Variants in RAB11FIP5 observed in about 807,000 individuals in gnomAD.
RAB11FIP5 encodes the protein rab11 family-interacting protein 5.
In RAB11FIP5, 48 loss-of-function variants were observed where a neutral mutation model predicts 85.1. The observed-to-expected ratio is 0.56, with a 90% CI of 0.45 to 0.72. The LOEUF (loss-of-function observed/expected upper bound fraction) is 0.72, where lower values mean the gene tolerates loss of function less well. Among genes scored for constraint, RAB11FIP5 ranks in the 30% least tolerant of loss-of-function variants. The pLI, the probability that RAB11FIP5 is intolerant of heterozygous loss-of-function variation, is 0.00. For missense variants in RAB11FIP5, 1,491 were observed against 1,687.0 expected, an observed-to-expected ratio of 0.88 and a Z score of 2.04; for synonymous variants, 729 against 727.3, an observed-to-expected ratio of 1.00 and a Z score of -0.04.
At chr2:73,087,950 T>C (rs1438790597) in intron 3 of RAB11FIP5, 100 bp downstream of exon 3, 22 of 1,195,630 alleles carry the variant, frequency 1.8e-5, no homozygotes, top group Non-Finnish European at 2.4e-5. Context: ...GCAGCCTGCC[T>C]GAGGTCCATA....
Position 73,075,846 on chromosome 2 carries a change from G to T in RAB11FIP5, c.3772-122C>A. ...TTTCACCACCACAGGGCCCCAGGCTGCCTGTCTCCAAAGTCAGAGCCTAAC... is the reference window on the plus strand; with the variant it reads ...TTTCACCACCACAGGGCCCCAGGCTTCCTGTCTCCAAAGTCAGAGCCTAAC... On this transcript the variant is annotated intron_variant, in intron 5 of 5. Coordinates refer to ENST00000486777, the MANE Select transcript of RAB11FIP5 (RefSeq NM_001371272.1). This position sits in a 1 kb window ranked among gnomAD's most constrained non-coding sequence, Gnocchi z 4.6. The T allele has an allele frequency of 6.9e-7, 1 of 1,448,990 alleles. No homozygotes were observed. The highest frequency in any genetic ancestry group is 2.0e-5 in the Admixed American group (1 of 49,622). The allele number at this position is 1,448,990 out of a possible 1,614,324, so 89.8% of individuals were successfully genotyped here.
At chr2:73,091,472 C>T (rs554979570) in intron 1 of RAB11FIP5, among the ~76,000 whole-genome samples, 8 of 151,106 alleles carry the variant, frequency 5.3e-5, no homozygotes, top group East Asian at 1.9e-4. Context: ...CACACACACA[C>T]GCACACAGAG....
chr2:73,086,703 G>C lies in RAB11FIP5; in HGVS notation c.1568+1347C>G, dbSNP rs1684095012. 6.6e-6 allele frequency among the ~76,000 whole-genome samples: 1 copy of C among 152,142 alleles called. No individual in the cohort carries two copies. Among genetic ancestry groups the C allele is most frequent in the Non-Finnish European group, 1.5e-5 (1 of 68,020 alleles). On this transcript the variant is annotated intron_variant, in intron 3 of 5. Coordinates refer to ENST00000486777, the MANE Select transcript of RAB11FIP5 (RefSeq NM_001371272.1). This position sits in a 1 kb window ranked among gnomAD's most constrained non-coding sequence, Gnocchi z 4.4. ...TCACAGGGACACCAGGCTCAGCCTG[G>C]CATCTGGGAAAGGCCTGTCCCCTTC...
Position 73,112,369 on chromosome 2 carries a change from C to A in RAB11FIP5, c.409G>T (p.Ala137Ser). 1.3e-6 allele frequency: 2 copies of A among 1,597,764 alleles called. No individual in the cohort carries two copies. Among genetic ancestry groups the A allele is most frequent in the South Asian group, 1.1e-5 (1 of 90,316 alleles). Reference sequence around the variant, plus strand: ...CACTGCGTGTGCTGGGCGCGGCCTGCGCCGAAGACCTCGTCCAGCGCCACC... The same window carrying A: ...CACTGCGTGTGCTGGGCGCGGCCTGAGCCGAAGACCTCGTCCAGCGCCACC... The part of the protein sequence containing the change: ...ATVALDEVFG[A>S]GRAQHTQWYK... The change falls in exon 1 of 6, where the codon GCA becomes TCA. Residue 137 changes from alanine (A) to serine (S), a missense_variant. Around this residue, in one of 3 missense-constraint regions of RAB11FIP5, gnomAD observed 1,211 missense variants for 1,338.0 expected, o/e 0.91. Transcript: ENST00000486777.
intron 1 of RAB11FIP5, among the ~76,000 whole-genome samples, chr2:73,095,843 T>C (rs941130475): frequency 1.1e-3 from 170 of 152,316 alleles, no homozygotes; most frequent in African/African-American, 3.7e-3. Context: ...TCACAGACCC[T>C]GAAGACCAGA....
rs1174040999 is a variant in RAB11FIP5, at chr2:73,073,660, G to A, written c.*1861C>T. ...GGCTGGGAGTGAATAAAGCCCAGAG[G>A]AATCCCCAGTAGGGGGGGTGACTCC... On this transcript the variant is annotated 3_prime_UTR_variant, in exon 6 of 6. Transcript: ENST00000486777. 6.6e-6 allele frequency: 1 copy of A among 152,218 alleles called. No homozygotes were observed. Among genetic ancestry groups the A allele is most frequent in the Non-Finnish European group, 1.5e-5 (1 of 68,042 alleles). 9.4% of individuals were successfully genotyped at this position (152,218 alleles called of 1,614,324 possible).
chr2:73,096,400 A>T (rs1484606584), intron 1 of RAB11FIP5, among the ~76,000 whole-genome samples: 1 of 152,206 alleles, frequency 6.6e-6, no homozygotes, highest in African/African-American at 2.4e-5. Context: ...AACTCCAGTC[A>T]GAGACAGACA....
chr2:73,109,099 G>T (rs1684592401), intron 1 of RAB11FIP5, among the ~76,000 whole-genome samples: 2 of 152,174 alleles, frequency 1.3e-5, no homozygotes, highest in African/African-American at 4.8e-5. Context: ...AAATCGCAGA[G>T]AAGCATCCAG....
intron 1 of RAB11FIP5, among the ~76,000 whole-genome samples, chr2:73,099,025 GC>G (rs1261941117): frequency 7.5e-5 from 11 of 146,094 alleles, no homozygotes; most frequent in African/African-American, 2.2e-4. Context: ...TTTAGTAAAT[GC>G]TTTTTTGTTT....
At position 73,088,541 on chromosome 2, in the gene RAB11FIP5, C is replaced by G; in HGVS notation, c.1077G>C (p.Ser359=). The change falls in exon 3 of 6, where the codon TCG becomes TCC. Residue 359 remains serine (S), a synonymous_variant. Transcript: ENST00000486777. ...QGPVRHRSSI[S]GSLPSSGSLQ... ...AGGAGCCAGAGGATGGAAGCGAGCC[C>G]GAGATGGAGCTGCGGTGCCGCACAG... 1 of 1,613,912 alleles carries G rather than the reference C, an allele frequency of 6.2e-7. No individual in the cohort carries two copies. The highest frequency in any genetic ancestry group is 1.1e-5 in the South Asian group (1 of 91,084).
rs761546586 is a variant in RAB11FIP5, at chr2:73,088,278, A to G, written c.1340T>C (p.Val447Ala). The G allele has an allele frequency of 6.2e-6, 10 of 1,613,718 alleles. No homozygotes were observed. The highest frequency in any genetic ancestry group is 1.7e-5 in the Admixed American group (1 of 60,002). ...ATPIVASSEAVAEKEGARKEE... is the reference protein window; with the variant it reads ...ATPIVASSEAAAEKEGARKEE... ...CTTCCGGGCTCCCTCCTTCTCTGCC[A>G]CAGCCTCAGAGGAGGCCACTATGGG... Residue 447 changes from valine (V) to alanine (A), a missense_variant, in exon 3 of 6, where the codon GTG (valine) becomes GCG (alanine). By Grantham distance (64) the Val-to-Ala change is moderately conservative. Coordinates refer to ENST00000486777, the MANE Select transcript of RAB11FIP5 (RefSeq NM_001371272.1).
Position 73,088,878 on chromosome 2 carries a change from C to A in RAB11FIP5, c.868+1G>T. On this transcript the variant is annotated splice_donor_variant, in intron 2 of 5. Coordinates refer to ENST00000486777, the MANE Select transcript of RAB11FIP5 (RefSeq NM_001371272.1). LOFTEE classifies it high-confidence loss of function. ...AGGGCGGCGGCCCTGTGCTTGCTCA[C>A]CCCCTTCAGTGGACAGCCAGCTGCT... 2 of 1,568,572 alleles carry A rather than the reference C, an allele frequency of 1.3e-6. No individual in the cohort carries two copies. The highest frequency in any genetic ancestry group is 8.6e-7 in the Non-Finnish European group (1 of 1,157,638).
chr2:73,084,969 G>A (rs1483991792), intron 3 of RAB11FIP5, among the ~76,000 whole-genome samples: 1 of 152,212 alleles, frequency 6.6e-6, no homozygotes, highest in Non-Finnish European at 1.5e-5. Context: ...CATCACCTGG[G>A]CACAATGAGG....
At chr2:73,083,180 G>A (rs1471585030) in intron 3 of RAB11FIP5, among the ~76,000 whole-genome samples, 1 of 152,234 alleles carries the variant, frequency 6.6e-6, no homozygotes, top group African/African-American at 2.4e-5. Context: ...CTTGGGGTAG[G>A]AAGGGCACCT....
In RAB11FIP5 at chr2:73,078,884, G is replaced by C. The variant is rs1173982776; in HGVS notation, c.3581+767C>G. Reference sequence around the variant, plus strand: ...CACATCACCCCTGACCAGCCACCTGGTGAGGTCACAGCTTCATAATTCTTC... The same window carrying C: ...CACATCACCCCTGACCAGCCACCTGCTGAGGTCACAGCTTCATAATTCTTC... On this transcript the variant is annotated intron_variant, in intron 4 of 5. Coordinates refer to ENST00000486777, the MANE Select transcript of RAB11FIP5 (RefSeq NM_001371272.1). This position sits in a 1 kb window ranked among gnomAD's most constrained non-coding sequence, Gnocchi z 4.4. 1.3e-5 allele frequency among the ~76,000 whole-genome samples: 2 copies of C among 152,114 alleles called. No individual in the cohort carries two copies. Among genetic ancestry groups the C allele is most frequent in the Non-Finnish European group, 1.5e-5 (1 of 68,020 alleles).
intron 4 of RAB11FIP5, among the ~76,000 whole-genome samples, 172 bp from the exon 5 acceptor site, chr2:73,076,354 G>A (rs1300089010): frequency 2.6e-5 from 4 of 152,042 alleles, no homozygotes; most frequent in Admixed American, 2.6e-4. Context: ...GTACTCCTCA[G>A]CAACCCCCTG....
chr2:73,076,197 A>G lies in RAB11FIP5; in HGVS notation c.3582-15T>C. 2 of 1,582,220 alleles carry G rather than the reference A, an allele frequency of 1.3e-6. No homozygotes were observed. Among genetic ancestry groups the G allele is most frequent in the Non-Finnish European group, 1.7e-6 (2 of 1,154,440 alleles). ...CGGGGTGGGGACTGCAAAGACATAC[A>G]AGAGATGGGTTACACAGAGAGAAGG... On this transcript the variant is annotated splice_polypyrimidine_tract_variant and intron_variant, in intron 4 of 5. Coordinates refer to ENST00000486777, the MANE Select transcript of RAB11FIP5 (RefSeq NM_001371272.1).
chr2:73,091,750 A>G (rs1311137308), intron 1 of RAB11FIP5, among the ~76,000 whole-genome samples: 2 of 152,146 alleles, frequency 1.3e-5, no homozygotes, highest in Non-Finnish European at 2.9e-5. Flanking sequence ...CCTATAGAAG[A>G]GCCCATCATG....
At chr2:73,083,513 A>G (rs1303177814) in intron 3 of RAB11FIP5, among the ~76,000 whole-genome samples, 1 of 152,170 alleles carries the variant, frequency 6.6e-6, no homozygotes, top group African/African-American at 2.4e-5. Context: ...CCCTCCACCT[A>G]AAGATGGAGG....
Sources: gnomAD v4.1 joint callset for allele counts (sites outside exome capture counted in the v4.1 genomes callset) on GRCh38, gnomAD v4.1.1 for gene constraint, gnomAD v4.1.1 regional missense constraint, Gnocchi (gnomAD v3.1) non-coding constraint, MANE v1.5 for transcripts, NCBI Gene and HGNC (gene_info 2026-07-23, HGNC 2026-07-21) for gene names.